GREM1: variants seen among roughly 807,000 people sequenced by gnomAD.
GREM1 encodes gremlin-1.
Under a neutral mutation model 13.1 loss-of-function variants are expected in GREM1, and 6 were observed. The observed-to-expected ratio is 0.46, with a 90% CI of 0.25 to 0.91. The LOEUF (loss-of-function observed/expected upper bound fraction) is 0.91. GREM1 is among the 40% of genes least tolerant of loss of function. The pLI, the probability that GREM1 is intolerant of heterozygous loss-of-function variation, is 0.18. For missense variants in GREM1, 185 were observed against 233.9 expected, an observed-to-expected ratio of 0.79 and a Z score of 1.36; for synonymous variants, 98 against 93.7, an observed-to-expected ratio of 1.05 and a Z score of -0.27.
At chr15:32,721,798 A>C (rs1183136209) in intron 1 of GREM1, among the ~76,000 whole-genome samples, 1 of 152,218 alleles carries the variant, frequency 6.6e-6, no homozygotes, top group Admixed American at 6.5e-5. Context: ...CTTTCACTAC[A>C]GAACAGAACC....
chr15:32,733,423 T>G lies in GREM1; in HGVS notation c.*2178T>G, dbSNP rs535069918. On this transcript the variant is annotated 3_prime_UTR_variant, in exon 2 of 2. Transcript: ENST00000651154. ...CTCTGCCACAAGAATGCAATTTCGT[T>G]AACGGAGATGACTTAAGTTGGCAGC... The G allele has an allele frequency of 9.1e-5, 21 of 230,238 alleles. No individual in the cohort carries two copies. The highest frequency in any genetic ancestry group is 7.6e-4 in the Admixed American group (13 of 17,166). 14.3% of individuals were successfully genotyped at this position (230,238 alleles called of 1,614,324 possible). A position where few individuals can be genotyped will look rare whatever the true frequency, so the allele number is the denominator to read the frequency against.
chr15:32,731,357 G>T lies in GREM1; in HGVS notation c.*112G>T, dbSNP rs1038505414. 2.5e-6 allele frequency: 2 copies of T among 802,150 alleles called. No individual in the cohort carries two copies. The highest frequency in any genetic ancestry group is 4.0e-6 in the Non-Finnish European group (2 of 500,888). 49.7% of individuals were successfully genotyped at this position (802,150 alleles called of 1,614,324 possible). ...AACCTAGAGGCCAGAAGAACCCCCA[G>T]CTGCCTCCTGGCAGGAGCCTGCTTG... On this transcript the variant is annotated 3_prime_UTR_variant, in exon 2 of 2. Transcript: ENST00000651154.
chr15:32,735,913 A>T lies in GREM1; in HGVS notation c.*4668A>T, dbSNP rs1450975395. On this transcript the variant is annotated 3_prime_UTR_variant, in exon 2 of 2. Transcript: ENST00000651154. The stretch of plus-strand genomic sequence containing the variant: ...CAACTTCTTATAGCTCTGGAAATTA[A>T]CTGAAGATGTATAGCAATTTGCAGA... 6.6e-6 allele frequency: 1 copy of T among 152,246 alleles called. No homozygotes were observed. Among genetic ancestry groups the T allele is most frequent in the Non-Finnish European group, 1.5e-5 (1 of 68,044 alleles). 9.4% of individuals were successfully genotyped at this position (152,246 alleles called of 1,614,324 possible).
intron 1 of GREM1, among the ~76,000 whole-genome samples, chr15:32,719,288 G>T (rs2055362825): frequency 6.6e-6 from 1 of 152,228 alleles, no homozygotes; most frequent in Non-Finnish European, 1.5e-5. Flanking sequence ...CCTTCGGATC[G>T]CAGCTCCTCC....
At chr15:32,720,060 G>A (rs1020286409) in intron 1 of GREM1, among the ~76,000 whole-genome samples, 4 of 152,104 alleles carry the variant, frequency 2.6e-5, no homozygotes, top group African/African-American at 9.7e-5. Context: ...TTTTAGCAGG[G>A]TAGTGGCAGT....
chr15:32,718,508 C>G, intron 1 of GREM1: 1 of 459,554 alleles, frequency 2.2e-6, no homozygotes, highest in Non-Finnish European at 4.4e-6. Flanking sequence ...AGCGAGGGCG[C>G]GAAGTCCAGG....
In GREM1 at chr15:32,731,035, C is replaced by T. The variant is rs748915906; in HGVS notation, c.345C>T (p.Asn115=). The T allele has an allele frequency of 3.7e-6, 6 of 1,614,210 alleles. No individual in the cohort carries two copies. The highest frequency in any genetic ancestry group is 4.2e-6 in the Non-Finnish European group (5 of 1,180,024). ...GCTGCAACAGTCGCACCATCATCAA[C>T]CGCTTCTGTTACGGCCAGTGCAACT... ...EEGCNSRTII[N]RFCYGQCNSF... Residue 115 remains asparagine, a synonymous_variant, in exon 2 of 2, where the codon AAC becomes AAT. Coordinates refer to ENST00000651154, the MANE Select transcript of GREM1 (RefSeq NM_013372.7).
In GREM1 at chr15:32,742,153, T is replaced by C. The variant is rs1023544490; in HGVS notation, c.*10908T>C. 1 of 152,206 alleles carries C rather than the reference T, an allele frequency of 6.6e-6. No individual in the cohort carries two copies. Among genetic ancestry groups the C allele is most frequent in the Non-Finnish European group, 1.5e-5 (1 of 68,032 alleles). 9.4% of individuals were successfully genotyped at this position (152,206 alleles called of 1,614,324 possible). On this transcript the variant is annotated 3_prime_UTR_variant, in exon 2 of 2. Coordinates refer to ENST00000651154, the MANE Select transcript of GREM1 (RefSeq NM_013372.7). ...TAATTTTCTTTTCTTGTGGTGTCTT[T>C]GTCCGGCTTTAGTATAAAGGTAATT...
chr15:32,720,481 C>T (rs2055387035), intron 1 of GREM1, among the ~76,000 whole-genome samples: 1 of 152,106 alleles, frequency 6.6e-6, no homozygotes, highest in African/African-American at 2.4e-5. Context: ...GAGTAAAGGA[C>T]AGCCAGGAAA....
At chr15:32,725,100 GTA>G (rs2055478499) in intron 1 of GREM1, among the ~76,000 whole-genome samples, 2 of 152,112 alleles carry the variant, frequency 1.3e-5, no homozygotes, top group East Asian at 1.9e-4. Context: ...ATAAACATGT[GTA>G]TATGTGTCTT....
At chr15:32,730,232 T>C (rs2055592013) in intron 1 of GREM1, among the ~76,000 whole-genome samples, 1 of 152,228 alleles carries the variant, frequency 6.6e-6, no homozygotes, top group African/African-American at 2.4e-5. Context: ...TCATAAGCAT[T>C]CACAGCTCAG....
rs536925293 is a variant in GREM1 at position 32,734,342 on chromosome 15, C to G, written c.*3097C>G. On this transcript the variant is annotated 3_prime_UTR_variant, in exon 2 of 2. Coordinates refer to ENST00000651154, the MANE Select transcript of GREM1 (RefSeq NM_013372.7). ...CATAAAGTCCTTTTAAGGAGAAAAT[C>G]TAAAATGAAAAGTGGATAAACAGAA... 4.1e-6 allele frequency: 1 copy of G among 246,276 alleles called. No individual in the cohort carries two copies. The highest frequency in any genetic ancestry group is 2.2e-5 in the African/African-American group (1 of 45,364). 15.3% of individuals were successfully genotyped at this position (246,276 alleles called of 1,614,324 possible).
chr15:32,730,935 A>G lies in GREM1; in HGVS notation c.245A>G (p.His82Arg), dbSNP rs745880464. Residue 82 changes from histidine (H) to arginine (R), a missense_variant, in exon 2 of 2, where the codon CAT becomes CGT. Physicochemically the swap from His to Arg is conservative, Grantham distance 29. Coordinates refer to ENST00000651154, the MANE Select transcript of GREM1 (RefSeq NM_013372.7). ...CTGGAGTCCAGCCAAGAGGCCCTGC[A>G]TGTGACGGAGCGCAAATACCTGAAG... ...EVLESSQEAL[H>R]VTERKYLKRD... 3.7e-6 allele frequency: 6 copies of G among 1,613,986 alleles called. No individual in the cohort carries two copies. The highest frequency in any genetic ancestry group is 5.1e-6 in the Non-Finnish European group (6 of 1,180,046).
Position 32,743,830 on chromosome 15 carries a change from A to G in GREM1, c.*12585A>G, listed in dbSNP as rs1469258967. 6.6e-6 allele frequency: 1 copy of G among 152,154 alleles called. No individual in the cohort carries two copies. Among genetic ancestry groups the G allele is most frequent in the African/African-American group, 2.4e-5 (1 of 41,426 alleles). 9.4% of individuals were successfully genotyped at this position (152,154 alleles called of 1,614,324 possible). A position where few individuals can be genotyped will look rare whatever the true frequency, so the allele number is the denominator to read the frequency against. ...GCTCCAAGTCCCAGCCAGATATGTGAAAAACAATCCTTGCAGAACAACCCT... is the reference window on the plus strand; with the variant it reads ...GCTCCAAGTCCCAGCCAGATATGTGGAAAACAATCCTTGCAGAACAACCCT... On this transcript the variant is annotated 3_prime_UTR_variant, in exon 2 of 2. Coordinates refer to ENST00000651154, the MANE Select transcript of GREM1 (RefSeq NM_013372.7).
rs1424556979 is a variant in GREM1 at position 32,737,298 on chromosome 15, A to G, written c.*6053A>G. ...TATAACTAGTATTACCTTGATACCA[A>G]ATTCTGACAAATACATCAAAAATAA... On this transcript the variant is annotated 3_prime_UTR_variant, in exon 2 of 2. Coordinates refer to ENST00000651154, the MANE Select transcript of GREM1 (RefSeq NM_013372.7). 1 of 152,188 alleles carries G rather than the reference A, an allele frequency of 6.6e-6. No homozygotes were observed. The highest frequency in any genetic ancestry group is 6.5e-5 in the Admixed American group (1 of 15,280). The allele number at this position is 152,188 out of a possible 1,614,324, so 9.4% of individuals were successfully genotyped here. A position where few individuals can be genotyped will look rare whatever the true frequency, so the allele number is the denominator to read the frequency against.
chr15:32,722,694 A>T (rs1438414778), intron 1 of GREM1, among the ~76,000 whole-genome samples: 4 of 152,230 alleles, frequency 2.6e-5, no homozygotes, highest in Non-Finnish European at 5.9e-5. Context: ...CCCTAAGGGA[A>T]ACTGGAAGGA....
Position 32,736,833 on chromosome 15 carries a change from A to T in GREM1, c.*5588A>T, listed in dbSNP as rs946003274. 1 of 152,182 alleles carries T rather than the reference A, an allele frequency of 6.6e-6. No homozygotes were observed. The highest frequency in any genetic ancestry group is 2.4e-5 in the African/African-American group (1 of 41,448). The allele number at this position is 152,182 out of a possible 1,614,324, so 9.4% of individuals were successfully genotyped here. Reference sequence around the variant, plus strand: ...CTCATCCAAGTCATACTTTCTAAACATCATAAAAAGCCCAAACCAGTCTCC... The same window carrying T: ...CTCATCCAAGTCATACTTTCTAAACTTCATAAAAAGCCCAAACCAGTCTCC... On this transcript the variant is annotated 3_prime_UTR_variant, in exon 2 of 2. Coordinates refer to ENST00000651154, the MANE Select transcript of GREM1 (RefSeq NM_013372.7).
In GREM1 at chr15:32,718,073, C is replaced by T; in HGVS notation, c.-90C>T. ...CCGCGTCACTCTCGGTCCCGCTGAC[C>T]CCGCGCCGAGCCCCGGCGGCTCTGG... On this transcript the variant is annotated 5_prime_UTR_variant, in exon 1 of 2. Transcript: ENST00000651154. The T allele has an allele frequency of 1.6e-6, 2 of 1,217,120 alleles. No individual in the cohort carries two copies. The highest frequency in any genetic ancestry group is 1.0e-6 in the Non-Finnish European group (1 of 965,892). The allele number at this position is 1,217,120 out of a possible 1,614,324, so 75.4% of individuals were successfully genotyped here.
Position 32,738,125 on chromosome 15 carries a change from A to AAAC in GREM1, c.*6882_*6883insCAA, listed in dbSNP as rs2055726421. The stretch of plus-strand genomic sequence containing the variant: ...AAAAAAAAAAAAAAAAAAAAAAAAA[A>AAAC]AAAAAAAAGAAAAGAAAAAAGTCAT... On this transcript the variant is annotated 3_prime_UTR_variant, in exon 2 of 2. Coordinates refer to ENST00000651154, the MANE Select transcript of GREM1 (RefSeq NM_013372.7). 14 of 27,986 alleles carry AAAC rather than the reference A, an allele frequency of 5.0e-4. 2 individuals are homozygous for AAAC. Among genetic ancestry groups the AAAC allele is most frequent in the Admixed American group, 3.9e-3 (9 of 2,290 alleles). The allele number at this position is 27,986 out of a possible 1,614,324, so 1.7% of individuals were successfully genotyped here. A position where few individuals can be genotyped will look rare whatever the true frequency, so the allele number is the denominator to read the frequency against.
Sources: gnomAD v4.1 joint callset for allele counts (sites outside exome capture counted in the v4.1 genomes callset) on GRCh38, gnomAD v4.1.1 for gene constraint, MANE v1.5 for transcripts, NCBI Gene and HGNC (gene_info 2026-07-23, HGNC 2026-07-21) for gene names.